The following TRAM1 variants were observed in gnomAD, a reference collection of about 807,000 sequenced individuals.
The protein encoded by TRAM1 is translocation associated membrane protein 1, also known as translocating chain-associated membrane protein 1.
A neutral mutation model predicts 48.7 loss-of-function variants in TRAM1; 17 were observed. The observed-to-expected ratio is 0.35, with a 90% CI of 0.24 to 0.52. The LOEUF is 0.52. Among genes scored for constraint, TRAM1 ranks in the 20% least tolerant of loss-of-function variants. The pLI, the probability that TRAM1 is intolerant of heterozygous loss-of-function variation, is 0.94. For missense variants in TRAM1, 351 were observed against 441.5 expected (o/e 0.79, Z 1.84); for synonymous variants, 182 against 154.0 (o/e 1.18, Z -1.34).
chr8:70,604,428 T>TA (rs1265193809), intron 1 of TRAM1, among the ~76,000 whole-genome samples: 8 of 152,194 alleles, frequency 5.3e-5, no homozygotes, highest in African/African-American at 1.9e-4. Context: ...CACGTGCCTG[T>TA]AGTCCCAGCC....
rs1218590999 is a variant in TRAM1, at chr8:70,608,369, G to A, written c.-170C>T. On this transcript the variant is annotated 5_prime_UTR_variant, in exon 1 of 11. Transcript: ENST00000262213. ...CCAGTACGCAGCCGCCGGGCCGCCC[G>A]GGGGAAAAAAAAAAACACAACAGCT... 9.8e-6 allele frequency: 6 copies of A among 613,776 alleles called. No individual in the cohort carries two copies. The highest frequency in any genetic ancestry group is 4.9e-4 in the Middle Eastern group (1 of 2,032). 38.0% of individuals were successfully genotyped at this position (613,776 alleles called of 1,614,324 possible).
chr8:70,581,220 TTAAA>T (rs1817066994), intron 10 of TRAM1, among the ~76,000 whole-genome samples: 1 of 152,066 alleles, frequency 6.6e-6, no homozygotes, highest in African/African-American at 2.4e-5. Context: ...ATCCCGTCAC[TTAAA>T]TAAAAACTCA....
chr8:70,584,636 A>G (rs1280405180), intron 8 of TRAM1, among the ~76,000 whole-genome samples: 4 of 152,150 alleles, frequency 2.6e-5, no homozygotes, highest in East Asian at 1.9e-4. Context: ...TTATACACCA[A>G]TAACAGACAG....
At chr8:70,594,459 A>G in intron 6 of TRAM1, 47 bp downstream of exon 6, 1 of 1,528,600 alleles carries the variant, frequency 6.5e-7, no homozygotes, top group Non-Finnish European at 8.8e-7. Context: ...ATTTTTCAAA[A>G]AAAAAAATGA....
intron 10 of TRAM1, among the ~76,000 whole-genome samples, chr8:70,576,082 A>ACC (rs1406579000): frequency 6.8e-6 from 1 of 146,006 alleles, no homozygotes; most frequent in African/African-American, 2.6e-5. Flanking sequence ...AAAAAAAAGA[A>ACC]AAAAAAAAAA....
chr8:70,595,038 G>GTTTTT (rs11464494), intron 5 of TRAM1, among the ~76,000 whole-genome samples: 16 of 146,028 alleles, frequency 1.1e-4, no homozygotes, highest in Non-Finnish European at 9.0e-5. Flanking sequence ...AATATCCTCT[G>GTTTTT]TTTTTTTTTT....
chr8:70,587,303 T>C, intron 6 of TRAM1, 127 bp from the exon 7 acceptor site: 4 of 836,736 alleles, frequency 4.8e-6, no homozygotes, highest in South Asian at 1.8e-5. Flanking sequence ...ACCCCCAACC[T>C]TGGCCTTCCA....
chr8:70,590,724 G>A (rs1389451647), intron 6 of TRAM1, among the ~76,000 whole-genome samples: 2 of 152,170 alleles, frequency 1.3e-5, no homozygotes, highest in Admixed American at 1.3e-4. Flanking sequence ...GCCATCACTA[G>A]GTTCTATCTT....
At chr8:70,576,882 T>A (rs1270068837) in intron 10 of TRAM1, among the ~76,000 whole-genome samples, 1 of 152,158 alleles carries the variant, frequency 6.6e-6, no homozygotes. Context: ...GGCTTGGAAG[T>A]GCCTGCTCCC....
chr8:70,588,040 G>C (rs931158250), intron 6 of TRAM1, among the ~76,000 whole-genome samples: 2 of 152,068 alleles, frequency 1.3e-5, no homozygotes, highest in African/African-American at 4.8e-5. Context: ...AACACAGCAA[G>C]ACCCTGTCTC....
chr8:70,600,144 G>A (rs1817576095), intron 1 of TRAM1, 62 bp from the exon 2 acceptor site: 2 of 1,312,168 alleles, frequency 1.5e-6, no homozygotes, highest in Non-Finnish European at 2.2e-6. Flanking sequence ...TAACAGATCG[G>A]GGCAAAAACA....
chr8:70,592,743 A>G (rs1470382123), intron 6 of TRAM1, among the ~76,000 whole-genome samples: 3 of 152,228 alleles, frequency 2.0e-5, no homozygotes, highest in African/African-American at 7.2e-5. Flanking sequence ...TATCTGAGCC[A>G]TGCTACTAAG....
chr8:70,583,642 G>A lies in TRAM1; in HGVS notation c.890+8C>T. On this transcript the variant is annotated splice_region_variant and intron_variant, in intron 9 of 10. Coordinates refer to ENST00000262213, the MANE Select transcript of TRAM1 (RefSeq NM_014294.6). Reference sequence around the variant, plus strand: ...TATAAAGTGAAAAAAATGTTAAATTGATCGTACCTAACAGCTAACACATTG... The same window carrying A: ...TATAAAGTGAAAAAAATGTTAAATTAATCGTACCTAACAGCTAACACATTG... 1 of 1,605,472 alleles carries A rather than the reference G, an allele frequency of 6.2e-7. No individual in the cohort carries two copies. The highest frequency in any genetic ancestry group is 1.3e-5 in the African/African-American group (1 of 74,298).
Position 70,583,286 on chromosome 8 carries a change from A to T in TRAM1, c.929T>A (p.Phe310Tyr), listed in dbSNP as rs1407434609. The stretch of plus-strand genomic sequence containing the variant: ...AAAATTAATGAACTTCCACATCATA[A>T]ATGCCTGAGTAACGCAAATGGATGC... ...VLASICVTQAFMMWKFINFQL... is the reference protein window; with the variant it reads ...VLASICVTQAYMMWKFINFQL... The change falls in exon 10 of 11, where the codon TTT becomes TAT. Residue 310 changes from phenylalanine (F) to tyrosine (Y), a missense_variant. Coordinates refer to ENST00000262213, the MANE Select transcript of TRAM1 (RefSeq NM_014294.6). 1 of 1,613,988 alleles carries T rather than the reference A, an allele frequency of 6.2e-7. No homozygotes were observed. The highest frequency in any genetic ancestry group is 8.5e-7 in the Non-Finnish European group (1 of 1,179,980).
At chr8:70,590,526 T>A (rs1240996650) in intron 6 of TRAM1, among the ~76,000 whole-genome samples, 1 of 152,188 alleles carries the variant, frequency 6.6e-6, no homozygotes, top group Non-Finnish European at 1.5e-5. Context: ...CTCACTATGT[T>A]ACTCAGGCTG....
chr8:70,601,708 G>A (rs1348196979), intron 1 of TRAM1, among the ~76,000 whole-genome samples: 3 of 152,218 alleles, frequency 2.0e-5, no homozygotes, highest in Non-Finnish European at 4.4e-5. Flanking sequence ...AAGATAATGA[G>A]ACCTGAACTA....
chr8:70,587,026 G>A (rs921172325), intron 7 of TRAM1, 27 bp from the exon 8 acceptor site: 2 of 1,608,830 alleles, frequency 1.2e-6, no homozygotes, highest in Admixed American at 3.3e-5. Flanking sequence ...TTAAAAATGG[G>A]AATATTAATT....
chr8:70,596,799 AG>A (rs1440446020), intron 4 of TRAM1, among the ~76,000 whole-genome samples: 1 of 150,684 alleles, frequency 6.6e-6, no homozygotes, highest in Non-Finnish European at 1.5e-5. Context: ...AGATCTACTC[AG>A]TGAGAATTAC....
intron 10 of TRAM1, among the ~76,000 whole-genome samples, chr8:70,577,045 C>T (rs1269117455): frequency 6.6e-6 from 1 of 152,186 alleles, no homozygotes; most frequent in Non-Finnish European, 1.5e-5. Flanking sequence ...ACGTGGCGAG[C>T]AGGGGGACAT....
Sources: allele counts gnomAD v4.1 joint callset (sites outside exome capture counted in the v4.1 genomes callset), GRCh38; gene constraint gnomAD v4.1.1; transcripts MANE v1.5; gene names NCBI Gene and HGNC (gene_info 2026-07-23, HGNC 2026-07-21).